Variants in OXSR1 observed in about 807,000 individuals in gnomAD.
OXSR1 encodes oxidative stress responsive kinase 1, also known as serine/threonine-protein kinase OSR1.
Under a neutral mutation model 79.8 loss-of-function variants are expected in OXSR1, and 24 were observed. The ratio of observed to expected loss-of-function variants is 0.30; its 90% CI spans 0.22 to 0.42. The LOEUF (loss-of-function observed/expected upper bound fraction) is 0.42, where lower values mean the gene tolerates loss of function less well. Among genes scored for constraint, OXSR1 ranks in the 10% least tolerant of loss-of-function variants. OXSR1 has a pLI of 1.00. For missense variants in OXSR1, 430 were observed against 618.4 expected, an observed-to-expected ratio of 0.70 and a Z score of 3.23; for synonymous variants, 226 against 209.2, an observed-to-expected ratio of 1.08 and a Z score of -0.69.
chr3:38,244,637 C>CTGTGTGTGTG (rs112035003), intron 12 of OXSR1, among the ~76,000 whole-genome samples: 29,226 of 99,192 alleles, frequency 0.29, 3,339 homozygotes, highest in East Asian at 0.37. Context: ...TAATATTCCT[C>CTGTGTGTGTG]TGTGTGTGTG....
intron 4 of OXSR1, among the ~76,000 whole-genome samples, chr3:38,206,464 C>T (rs1702264979): frequency 1.3e-5 from 2 of 149,746 alleles, no homozygotes; most frequent in Non-Finnish European, 3.0e-5. Context: ...TTTCTTTGTG[C>T]CTGAAATTGA....
intron 16 of OXSR1, 62 bp from the exon 17 acceptor site, chr3:38,252,266 A>G: frequency 8.8e-6 from 10 of 1,136,676 alleles, no homozygotes; most frequent in Non-Finnish European, 1.3e-5. Context: ...CTTTTAAAAT[A>G]TGGTTGAAAG....
Position 38,221,634 on chromosome 3 carries a change from A to G in OXSR1, c.547A>G (p.Arg183Gly). The G allele has an allele frequency of 6.2e-7, 1 of 1,613,508 alleles. No homozygotes were observed. The highest frequency in any genetic ancestry group is 1.3e-5 in the African/African-American group (1 of 74,998). The change falls in exon 6 of 18, where the codon AGA becomes GGA. Residue 183 changes from arginine to glycine, a missense_variant. Arg to Gly is a moderately radical substitution (Grantham distance 125, BLOSUM62 -2). Around this residue, in one of 3 missense-constraint regions of OXSR1, gnomAD observed 145 missense variants for 228.3 expected, o/e 0.64. Transcript: ENST00000311806. ...TGGDITRNKV[R>G]KTFVGTPCWM... ...TGGTGATATTACCCGAAATAAAGTG[A>G]GAAAGACCTTTGTTGGCACCCCTTG...
chr3:38,236,892 C>T lies in OXSR1; in HGVS notation c.1005C>T (p.Gly335=). The part of the protein sequence containing the change: ...SGRLHKTEDG[G]WEWSDDEFDE... ...GTCTTCATAAGACAGAGGATGGAGG[C>T]TGGGAGTGGAGTGATGATGAATTTG... is the stretch of plus-strand genomic sequence containing the variant. The change falls in exon 11 of 18, where the codon GGC becomes GGT. Residue 335 remains glycine, a synonymous_variant. Coordinates refer to ENST00000311806, the MANE Select transcript of OXSR1 (RefSeq NM_005109.3). 1 of 1,612,240 alleles carries T rather than the reference C, an allele frequency of 6.2e-7. No homozygotes were observed. The highest frequency in any genetic ancestry group is 1.1e-5 in the South Asian group (1 of 90,936).
At chr3:38,220,087 A>G (rs1279220800) in intron 5 of OXSR1, among the ~76,000 whole-genome samples, 1 of 150,048 alleles carries the variant, frequency 6.7e-6, no homozygotes, top group Non-Finnish European at 1.5e-5. Flanking sequence ...GATTACAGAA[A>G]TGAGCCACTG....
At chr3:38,189,766 T>G (rs931244506) in intron 2 of OXSR1, among the ~76,000 whole-genome samples, 5 of 152,182 alleles carry the variant, frequency 3.3e-5, no homozygotes, top group African/African-American at 1.2e-4. Flanking sequence ...GAGCTTACAG[T>G]TTTGTGGGGG....
At chr3:38,178,860 T>C (rs1379114903) in intron 1 of OXSR1, among the ~76,000 whole-genome samples, 2 of 151,808 alleles carry the variant, frequency 1.3e-5, no homozygotes, top group East Asian at 3.9e-4. Flanking sequence ...ATAACAGCTT[T>C]ATTTTATTTT....
chr3:38,194,035 A>T (rs1417884582), intron 3 of OXSR1, among the ~76,000 whole-genome samples: 5 of 152,014 alleles, frequency 3.3e-5, no homozygotes, highest in African/African-American at 4.8e-5. Context: ...TTTTTTTTTT[A>T]AACAGGAGGA....
At position 38,183,037 on chromosome 3, in the gene OXSR1, T is replaced by C. The variant is rs1434157130; in HGVS notation, c.105T>C (p.Tyr35=). The change falls in exon 2 of 18, where the codon TAT becomes TAC. Residue 35 remains tyrosine, a synonymous_variant. Coordinates refer to ENST00000311806, the MANE Select transcript of OXSR1 (RefSeq NM_005109.3). ...SGATAVVQAA[Y]CAPKKEKVAI... is the part of the protein sequence containing the mutation. ...CAACTGCTGTAGTCCAAGCAGCTTA[T>C]TGTGCCCCTAAAAAGGAGAAAGTGG... is the stretch of plus-strand genomic sequence containing the variant. The C allele has an allele frequency of 1.9e-6, 3 of 1,613,044 alleles. No individual in the cohort carries two copies. Among genetic ancestry groups the C allele is most frequent in the African/African-American group, 1.3e-5 (1 of 74,898 alleles).
At chr3:38,190,456 A>G (rs1185095082) in intron 2 of OXSR1, among the ~76,000 whole-genome samples, 1 of 152,144 alleles carries the variant, frequency 6.6e-6, no homozygotes, top group Non-Finnish European at 1.5e-5. Context: ...ATATGTCCCA[A>G]AGGAGGCCTC....
At chr3:38,209,902 G>A (rs1036704879) in intron 4 of OXSR1, among the ~76,000 whole-genome samples, 1 of 152,210 alleles carries the variant, frequency 6.6e-6, no homozygotes, top group Non-Finnish European at 1.5e-5. Context: ...GATTACAGGC[G>A]TGAGCCACCG....
upstream of OXSR1, among the ~76,000 whole-genome samples, chr3:38,164,211 C>T (rs1208021813): frequency 2.0e-5 from 3 of 152,168 alleles, no homozygotes; most frequent in Non-Finnish European, 2.9e-5. Context: ...GTTGCCCAGA[C>T]TGGAGTGCAG....
intron 1 of OXSR1, among the ~76,000 whole-genome samples, chr3:38,169,211 G>A (rs1701527073): frequency 1.3e-5 from 2 of 151,836 alleles, no homozygotes; most frequent in Non-Finnish European, 1.5e-5. Context: ...ATCCTTTCAT[G>A]TCCTTATTTA....
intron 5 of OXSR1, among the ~76,000 whole-genome samples, chr3:38,217,212 C>T (rs1266448369): frequency 6.6e-6 from 1 of 152,172 alleles, no homozygotes; most frequent in Non-Finnish European, 1.5e-5. Context: ...AGTAAAATCA[C>T]ATTGTGATAA....
At chr3:38,242,664 A>G in intron 11 of OXSR1, 79 bp from the exon 12 acceptor site, 1 of 736,178 alleles carries the variant, frequency 1.4e-6, no homozygotes, top group South Asian at 1.8e-5. Flanking sequence ...ATTTGCATTT[A>G]ACATCACTTG....
At chr3:38,221,899 A>T (rs972502626) in intron 6 of OXSR1, among the ~76,000 whole-genome samples, 3 of 152,310 alleles carry the variant, frequency 2.0e-5, no homozygotes, top group Admixed American at 6.5e-5. Flanking sequence ...GAATAATATA[A>T]TTGAGGTTTG....
intron 5 of OXSR1, 35 bp from the exon 6 acceptor site, chr3:38,221,543 C>T (rs1559518392): frequency 9.3e-7 from 1 of 1,078,336 alleles, no homozygotes; most frequent in African/African-American, 1.6e-5. Flanking sequence ...ATAGTTGATG[C>T]ACTTTAAATA....
chr3:38,232,887 G>C (rs1702839597), intron 10 of OXSR1, among the ~76,000 whole-genome samples: 2 of 152,166 alleles, frequency 1.3e-5, no homozygotes, highest in Admixed American at 1.3e-4. Context: ...TAAAGGACTT[G>C]GCAAATCAGC....
chr3:38,202,125 G>T (rs1016777847), intron 4 of OXSR1, among the ~76,000 whole-genome samples: 2 of 152,162 alleles, frequency 1.3e-5, no homozygotes, highest in Non-Finnish European at 2.9e-5. Context: ...GGAGAGTGGG[G>T]TGTCTGAATT....
Sources: gnomAD v4.1 joint callset for allele counts (sites outside exome capture counted in the v4.1 genomes callset) on GRCh38, gnomAD v4.1.1 for gene constraint, gnomAD v4.1.1 regional missense constraint, MANE v1.5 for transcripts, NCBI Gene and HGNC (gene_info 2026-07-23, HGNC 2026-07-21) for gene names.